The following MAST2 variants were observed in gnomAD, a reference collection of about 807,000 sequenced individuals.
The protein encoded by MAST2 is microtubule associated serine/threonine kinase 2.
A neutral mutation model predicts 147.4 loss-of-function variants in MAST2; 70 were observed. The ratio of observed to expected loss-of-function variants is 0.47; its 90% CI spans 0.39 to 0.58. The LOEUF is 0.58. MAST2 is among the 20% of genes least tolerant of loss of function. The probability of loss-of-function intolerance (pLI) is 0.00; values close to 1 mark genes in which losing one functional copy is unlikely to be tolerated. For missense variants in MAST2, 2,080 were observed against 2,302.3 expected, an observed-to-expected ratio of 0.90 and a Z score of 1.98; for synonymous variants, 869 against 896.8, an observed-to-expected ratio of 0.97 and a Z score of 0.55.
intron 4 of MAST2, among the ~76,000 whole-genome samples, chr1:45,892,021 T>G (rs906692924): frequency 6.6e-6 from 1 of 152,168 alleles, no homozygotes; most frequent in South Asian, 2.1e-4. Context: ...ACCAGGCCAG[T>G]TTTCCCAGGA....
intron 4 of MAST2, among the ~76,000 whole-genome samples, chr1:45,936,658 C>A (rs1356058839): frequency 1.3e-5 from 2 of 152,092 alleles, no homozygotes; most frequent in Non-Finnish European, 2.9e-5. Context: ...CTCCAATACC[C>A]CATGAAAGAC....
intron 5 of MAST2, among the ~76,000 whole-genome samples, chr1:45,996,687 T>C (rs1645070450): frequency 1.3e-5 from 2 of 152,146 alleles, no homozygotes; most frequent in African/African-American, 4.8e-5. Flanking sequence ...CATAGGGTAG[T>C]AGGAGCACTG....
intron 1 of MAST2, among the ~76,000 whole-genome samples, chr1:45,822,454 C>G (rs1160915638): frequency 3.3e-5 from 5 of 151,982 alleles, no homozygotes; most frequent in African/African-American, 1.2e-4. Context: ...GGTTTCTTTA[C>G]TTTGGTGTCT....
Position 45,937,751 on chromosome 1 carries a change from C to CAAAAAAAA in MAST2, c.501-21611_501-21604dup, listed in dbSNP as rs34830747. 5.1e-4 allele frequency among the ~76,000 whole-genome samples: 37 copies of CAAAAAAAA among 73,216 alleles called. 2 individuals are homozygous for CAAAAAAAA. The highest frequency in any genetic ancestry group is 1.8e-3 in the African/African-American group (33 of 18,402). The allele number at this position is 73,216 out of a possible 152,430, so 48.0% of individuals were successfully genotyped here. On this transcript the variant is annotated intron_variant, in intron 4 of 28. Coordinates refer to ENST00000361297, the MANE Select transcript of MAST2 (RefSeq NM_015112.3). ...TGGGAGACAGAGTGAAACTCCATCTCAAAAAAAAAAAAAAAAAAAAAAAAA... is the reference window on the plus strand; with the variant it reads ...TGGGAGACAGAGTGAAACTCCATCTCAAAAAAAAAAAAAAAAAAAAAAAAAAAAAAAAA...
intron 4 of MAST2, among the ~76,000 whole-genome samples, chr1:45,950,833 A>G (rs1334984196): frequency 1.3e-5 from 2 of 152,130 alleles, no homozygotes; most frequent in Non-Finnish European, 2.9e-5. Flanking sequence ...TTTCATCTTA[A>G]TACTTTGGAT....
intron 3 of MAST2, among the ~76,000 whole-genome samples, chr1:45,877,551 A>G (rs568346107): frequency 6.6e-6 from 1 of 152,324 alleles, no homozygotes; most frequent in African/African-American, 2.4e-5. Flanking sequence ...CAGTGAGGAT[A>G]GTATAAGTAT....
At position 46,032,585 on chromosome 1, in the gene MAST2, T is replaced by A. The variant is rs748754035; in HGVS notation, c.3415-11T>A. On this transcript the variant is annotated splice_polypyrimidine_tract_variant and intron_variant, in intron 25 of 28. Coordinates refer to ENST00000361297, the MANE Select transcript of MAST2 (RefSeq NM_015112.3). ...GGCTCCAGTCTGAGTACTGTTCTCTTCCTGGCACAGCACGTGGAGGATGGA... is the reference window on the plus strand; with the variant it reads ...GGCTCCAGTCTGAGTACTGTTCTCTACCTGGCACAGCACGTGGAGGATGGA... The A allele has an allele frequency of 6.2e-7, 1 of 1,613,702 alleles. No individual in the cohort carries two copies. Among genetic ancestry groups the A allele is most frequent in the South Asian group, 1.1e-5 (1 of 90,980 alleles).
At chr1:46,021,243 T>C (rs1646168252) in intron 11 of MAST2, among the ~76,000 whole-genome samples, 1 of 152,208 alleles carries the variant, frequency 6.6e-6, no homozygotes, top group Non-Finnish European at 1.5e-5. Context: ...GAGGCTATGC[T>C]GTGATAGAGC....
intron 4 of MAST2, among the ~76,000 whole-genome samples, chr1:45,948,876 AC>A (rs1658509703): frequency 6.6e-6 from 1 of 152,114 alleles, no homozygotes; most frequent in Admixed American, 6.5e-5. Flanking sequence ...AACCAATAGA[AC>A]AGAACAGAGA....
chr1:45,823,608 A>G (rs1351513784), intron 1 of MAST2, among the ~76,000 whole-genome samples: 1 of 152,174 alleles, frequency 6.6e-6, no homozygotes, highest in Non-Finnish European at 1.5e-5. Flanking sequence ...TGCTGGGATT[A>G]CAGGTGTGAG....
At chr1:45,910,419 T>C (rs2148566764) in intron 4 of MAST2, among the ~76,000 whole-genome samples, 1 of 152,344 alleles carries the variant, frequency 6.6e-6, no homozygotes, top group African/African-American at 2.4e-5. Flanking sequence ...TAAGTACATA[T>C]TTTTATAAAA....
intron 4 of MAST2, among the ~76,000 whole-genome samples, chr1:45,956,241 G>GT (rs1251453019): frequency 6.6e-6 from 1 of 152,122 alleles, no homozygotes; most frequent in African/African-American, 2.4e-5. Flanking sequence ...ATGGATAGAT[G>GT]TTTATTTCAA....
At chr1:45,854,336 C>CAA (rs61252218) in intron 3 of MAST2, among the ~76,000 whole-genome samples, 5 of 128,706 alleles carry the variant, frequency 3.9e-5, no homozygotes, top group Non-Finnish European at 1.7e-5. Flanking sequence ...CCCTCTGTCT[C>CAA]AAAAAAAAAA....
chr1:45,988,767 A>G lies in MAST2; in HGVS notation c.593-8957A>G, dbSNP rs148509860. Among the ~76,000 whole-genome samples, 6 of 152,178 alleles carry G rather than the reference A, an allele frequency of 3.9e-5. No homozygotes were observed. In the South Asian group the frequency reaches 1.0e-3, roughly 26 times the overall value. ...TTAAGTTGTTCCGTTTTGGCCATCA[A>G]GGTCCTTTCAGTTGGCTCCTTTCCC... On this transcript the variant is annotated intron_variant, in intron 5 of 28. Coordinates refer to ENST00000361297, the MANE Select transcript of MAST2 (RefSeq NM_015112.3).
At chr1:46,020,428 G>A (rs999223086) in intron 11 of MAST2, among the ~76,000 whole-genome samples, 1 of 152,106 alleles carries the variant, frequency 6.6e-6, no homozygotes, top group Admixed American at 6.5e-5. Flanking sequence ...GGAGGGTGTC[G>A]GGTTCTCGGC....
At chr1:45,939,977 A>AG (rs1271130508) in intron 4 of MAST2, among the ~76,000 whole-genome samples, 1,364 of 30,482 alleles carry the variant, frequency 0.045, 32 homozygotes, top group African/African-American at 0.16. Flanking sequence ...CTATTTATTT[A>AG]GGGTTTTTTT....
intron 3 of MAST2, among the ~76,000 whole-genome samples, chr1:45,868,562 G>A (rs1646255633): frequency 6.6e-6 from 1 of 151,718 alleles, no homozygotes; most frequent in South Asian, 2.1e-4. Flanking sequence ...TGCCTTTGCT[G>A]TTCAAAAACG....
rs748196521 is a variant in MAST2 at position 46,034,506 on chromosome 1, TTGTCTGTCTGTC to T, written c.3869-22_3869-11del. On this transcript the variant is annotated intron_variant, in intron 28 of 28. Transcript: ENST00000361297. ...TCTAACAGCTAACACTGCTCTGCTT[TTGTCTGTCTGTC>T]TGTCTGTCTCTGTACAAAGTGGGAG... The T allele has an allele frequency of 6.3e-7, 1 of 1,586,542 alleles. No individual in the cohort carries two copies. The highest frequency in any genetic ancestry group is 1.1e-5 in the South Asian group (1 of 87,642).
intron 1 of MAST2, among the ~76,000 whole-genome samples, chr1:45,818,737 T>C (rs532913590): frequency 3.5e-4 from 53 of 152,340 alleles, no homozygotes; most frequent in Admixed American, 3.3e-3. Context: ...CACTGCACTG[T>C]ACAGTTGTTA....
Sources: allele counts gnomAD v4.1 joint callset (sites outside exome capture counted in the v4.1 genomes callset), GRCh38; gene constraint gnomAD v4.1.1; transcripts MANE v1.5; gene names NCBI Gene and HGNC (gene_info 2026-07-23, HGNC 2026-07-21).